The following ARFIP1 variants were observed in gnomAD, a reference collection of about 807,000 sequenced individuals.
ARFIP1 encodes the protein ARF interacting protein 1.
A neutral mutation model predicts 42.5 loss-of-function variants in ARFIP1; 24 were observed. That is an observed-to-expected ratio of 0.57 (90% CI 0.41 to 0.80). The LOEUF (loss-of-function observed/expected upper bound fraction) is 0.80. Ranked by LOEUF, ARFIP1 falls within the 30% of genes least tolerant of loss-of-function variation. ARFIP1 has a pLI of 0.00. For synonymous variants in ARFIP1, 141 were observed against 153.7 expected, an observed-to-expected ratio of 0.92 and a Z score of 0.61; for missense variants, 354 against 434.0, an observed-to-expected ratio of 0.82 and a Z score of 1.64.
At chr4:152,789,176 C>G (rs1731000471) in intron 1 of ARFIP1, among the ~76,000 whole-genome samples, 1 of 149,648 alleles carries the variant, frequency 6.7e-6, no homozygotes, top group Admixed American at 6.7e-5. Flanking sequence ...CTGCAACCTC[C>G]ACCTCCTGGG....
At chr4:152,844,430 T>A (rs1204791495) in intron 2 of ARFIP1, among the ~76,000 whole-genome samples, 2 of 152,264 alleles carry the variant, frequency 1.3e-5, no homozygotes, top group Non-Finnish European at 2.9e-5. Context: ...TATGAGTTAT[T>A]TGCTTATTCA....
intron 1 of ARFIP1, among the ~76,000 whole-genome samples, chr4:152,806,985 A>G (rs1265783984): frequency 6.6e-6 from 1 of 152,132 alleles, no homozygotes; most frequent in Non-Finnish European, 1.5e-5. Flanking sequence ...ACTAACAGGC[A>G]TGTACCACCA....
chr4:152,786,983 G>A (rs1463552498), intron 1 of ARFIP1, among the ~76,000 whole-genome samples: 1 of 152,086 alleles, frequency 6.6e-6, no homozygotes, highest in Non-Finnish European at 1.5e-5. Context: ...CCACATTAAG[G>A]TAATAGCATC....
chr4:152,889,838 A>ATATATACAC (rs1561173870), intron 8 of ARFIP1, among the ~76,000 whole-genome samples: 4 of 108,734 alleles, frequency 3.7e-5, no homozygotes, highest in African/African-American at 1.5e-4. Context: ...ACTATATACT[A>ATATATACAC]TATATATACT....
At chr4:152,902,797 CACTT>C (rs2149910905) in intron 8 of ARFIP1, among the ~76,000 whole-genome samples, 1 of 152,322 alleles carries the variant, frequency 6.6e-6, no homozygotes, top group South Asian at 2.1e-4. Flanking sequence ...CCTCTCACCT[CACTT>C]TCTTTGTCTC....
intron 8 of ARFIP1, among the ~76,000 whole-genome samples, chr4:152,908,702 A>ATATATATAACATATATAT (rs1247557479): frequency 3.3e-5 from 5 of 152,088 alleles, no homozygotes; most frequent in African/African-American, 1.2e-4. Flanking sequence ...TTACTTAAGA[A>ATATATATAACATATATAT]ATTCTTTCAC....
At position 152,907,953 on chromosome 4, in the gene ARFIP1, G is replaced by T. The variant is rs577484888; in HGVS notation, c.967-2111G>T. 3.6e-4 allele frequency among the ~76,000 whole-genome samples: 55 copies of T among 152,210 alleles called. 1 individual carries two copies. Among genetic ancestry groups the T allele is most frequent in the Admixed American group, 2.2e-3 (33 of 15,294 alleles). On this transcript the variant is annotated intron_variant, in intron 8 of 8. Coordinates refer to ENST00000353617, the MANE Select transcript of ARFIP1 (RefSeq NM_001025595.3). Reference sequence around the variant, plus strand: ...TTTATATCTTTCATTTTACTAGTTCGTGCCAGATTGTTTTCAAAAACAATT... The same window carrying T: ...TTTATATCTTTCATTTTACTAGTTCTTGCCAGATTGTTTTCAAAAACAATT...
At chr4:152,792,852 A>G (rs916216436) in intron 1 of ARFIP1, among the ~76,000 whole-genome samples, 1 of 152,214 alleles carries the variant, frequency 6.6e-6, no homozygotes, top group African/African-American at 2.4e-5. Context: ...AAGCAGCTAC[A>G]AAGAGTTGGA....
chr4:152,856,738 T>C (rs1733472047), intron 2 of ARFIP1, among the ~76,000 whole-genome samples: 1 of 152,286 alleles, frequency 6.6e-6, no homozygotes, highest in Middle Eastern at 3.4e-3. Context: ...GAGGGGTGTT[T>C]TGGTACTTTT....
At chr4:152,858,281 G>T (rs893308848) in intron 2 of ARFIP1, among the ~76,000 whole-genome samples, 1 of 152,168 alleles carries the variant, frequency 6.6e-6, no homozygotes, top group Non-Finnish European at 1.5e-5. Context: ...GATAGAGCCA[G>T]ACCTTATCTC....
chr4:152,780,529 C>T (rs1291764803), intron 1 of ARFIP1, among the ~76,000 whole-genome samples: 2 of 152,170 alleles, frequency 1.3e-5, no homozygotes, highest in African/African-American at 2.4e-5. Flanking sequence ...ATCCAGAATC[C>T]GGACCTTTCT....
intron 3 of ARFIP1, among the ~76,000 whole-genome samples, chr4:152,865,247 C>T (rs2149877776): frequency 6.6e-6 from 1 of 152,170 alleles, no homozygotes; most frequent in South Asian, 2.1e-4. Context: ...AGTGATTCTC[C>T]TGCCTCGACA....
intron 8 of ARFIP1, among the ~76,000 whole-genome samples, chr4:152,908,911 T>TGTGA (rs1474832649): frequency 2.4e-4 from 37 of 151,230 alleles, no homozygotes; most frequent in African/African-American, 8.7e-4. Context: ...TGTGTGTGTG[T>TGTGA]GTGTGTGTGT....
intron 8 of ARFIP1, among the ~76,000 whole-genome samples, chr4:152,889,039 A>G (rs1037351353): frequency 2.0e-5 from 3 of 152,156 alleles, no homozygotes; most frequent in Non-Finnish European, 4.4e-5. Context: ...GATGGGTCTC[A>G]CCATTGCACG....
At chr4:152,825,217 A>G (rs1730735165) in intron 1 of ARFIP1, among the ~76,000 whole-genome samples, 2 of 152,204 alleles carry the variant, frequency 1.3e-5, no homozygotes, top group South Asian at 4.1e-4. Context: ...TAAAATTCAT[A>G]TGGAACCAAA....
intron 1 of ARFIP1, among the ~76,000 whole-genome samples, chr4:152,786,585 T>C (rs749351766): frequency 6.6e-6 from 1 of 152,238 alleles, no homozygotes; most frequent in Non-Finnish European, 1.5e-5. Context: ...CCTCCATTCT[T>C]ATCTGTCCTC....
intron 2 of ARFIP1, among the ~76,000 whole-genome samples, chr4:152,861,170 A>G (rs955978670): frequency 3.9e-5 from 6 of 152,316 alleles, no homozygotes; most frequent in African/African-American, 1.2e-4. Flanking sequence ...GTTTAGTGAT[A>G]GAGATTCAGC....
At chr4:152,877,489 G>C (rs1339077752) in intron 5 of ARFIP1, among the ~76,000 whole-genome samples, 2 of 152,138 alleles carry the variant, frequency 1.3e-5, no homozygotes, top group Non-Finnish European at 2.9e-5. Flanking sequence ...GCTTGCTTTT[G>C]ATTTTTACAG....
intron 3 of ARFIP1, among the ~76,000 whole-genome samples, chr4:152,865,702 C>G (rs1016090787): frequency 6.6e-6 from 1 of 151,998 alleles, no homozygotes; most frequent in Admixed American, 6.6e-5. Context: ...ATTCTTATAT[C>G]AGGGATAATT....
Sources: allele counts gnomAD v4.1 joint callset (sites outside exome capture counted in the v4.1 genomes callset), GRCh38; gene constraint gnomAD v4.1.1; transcripts MANE v1.5; gene names NCBI Gene and HGNC (gene_info 2026-07-23, HGNC 2026-07-21).